WNT7A: variants seen among roughly 807,000 people sequenced by gnomAD.
WNT7A encodes Wnt family member 7A.
A neutral mutation model predicts 28.2 loss-of-function variants in WNT7A; 16 were observed. That is an observed-to-expected ratio of 0.57 (90% CI 0.38 to 0.86). The LOEUF is 0.86. Among genes scored for constraint, WNT7A ranks in the 40% least tolerant of loss-of-function variants. WNT7A has a pLI of 0.00. For missense variants in WNT7A, 411 were observed against 489.7 expected (o/e 0.84, Z 1.52); for synonymous variants, 190 against 195.9 (o/e 0.97, Z 0.25).
chr3:13,854,828 C>A (rs775192955), intron 2 of WNT7A, 25 bp from the exon 3 acceptor site: 1 of 1,610,272 alleles, frequency 6.2e-7, no homozygotes, highest in Non-Finnish European at 8.5e-7. Context: ...GAAGAGGAGA[C>A]AAGTTGGGGT....
chr3:13,866,902 T>C (rs540252229), intron 2 of WNT7A, among the ~76,000 whole-genome samples: 1 of 152,294 alleles, frequency 6.6e-6, no homozygotes, highest in East Asian at 1.9e-4. Context: ...AGGCAACAAG[T>C]ATCTGAAGAT....
At chr3:13,877,103 A>C (rs946191195) in intron 1 of WNT7A, 2 of 149,516 alleles carry the variant, frequency 1.3e-5, no homozygotes, top group Non-Finnish European at 2.9e-5. Context: ...TACCTATTAC[A>C]TGGCAGGTGC....
At chr3:13,869,439 A>AAAAG (rs146414175) in intron 2 of WNT7A, among the ~76,000 whole-genome samples, 86,908 of 140,334 alleles carry the variant, frequency 0.62, 27,674 homozygotes, top group East Asian at 0.94. Context: ...AAGAAGAAAG[A>AAAAG]AAAGAAAAAG....
intron 3 of WNT7A, among the ~76,000 whole-genome samples, chr3:13,822,088 C>T (rs1358798816): frequency 2.0e-5 from 3 of 152,174 alleles, no homozygotes; most frequent in South Asian, 2.1e-4. Context: ...TAACAAGTGT[C>T]GGCGAGGGTG....
chr3:13,878,210 C>A (rs1259973892), intron 1 of WNT7A, among the ~76,000 whole-genome samples: 1 of 152,162 alleles, frequency 6.6e-6, no homozygotes, highest in African/African-American at 2.4e-5. Context: ...CGCGGGCGGG[C>A]GGGGCGGCCA....
Position 13,880,012 on chromosome 3 carries a change from G to A in WNT7A, c.-196C>T. On this transcript the variant is annotated 5_prime_UTR_variant, in exon 1 of 4. Transcript: ENST00000285018. ...GGAGCCACGGAGCGGGAGGAGGGAG[G>A]GAGGAGCGAGCGCGGCGTGGGGCGA... The A allele has an allele frequency of 2.6e-6, 1 of 383,678 alleles. No individual in the cohort carries two copies. Among genetic ancestry groups the A allele is most frequent in the Non-Finnish European group, 4.6e-6 (1 of 219,744 alleles). The allele number at this position is 383,678 out of a possible 1,614,324, so 23.8% of individuals were successfully genotyped here.
intron 2 of WNT7A, among the ~76,000 whole-genome samples, chr3:13,855,867 G>A (rs900830203): frequency 2.6e-4 from 40 of 152,184 alleles, no homozygotes; most frequent in Non-Finnish European, 3.7e-4. Flanking sequence ...GGGGGCCAGA[G>A]AAGGTGTTTC....
chr3:13,861,292 C>G (rs933564418), intron 2 of WNT7A, among the ~76,000 whole-genome samples: 1 of 152,224 alleles, frequency 6.6e-6, no homozygotes, highest in Admixed American at 6.5e-5. Flanking sequence ...CTGCCCCTCC[C>G]TCCTGCCCAG....
intron 2 of WNT7A, among the ~76,000 whole-genome samples, chr3:13,874,050 C>T (rs1695065008): frequency 6.6e-6 from 1 of 152,166 alleles, no homozygotes; most frequent in Non-Finnish European, 1.5e-5. Flanking sequence ...CCAGGAGCAA[C>T]AGGGCAATGA....
chr3:13,852,539 T>C (rs1463148646), intron 3 of WNT7A, among the ~76,000 whole-genome samples: 1 of 152,130 alleles, frequency 6.6e-6, no homozygotes. Context: ...ATAGTCCCAA[T>C]CGACAGATGT....
chr3:13,867,410 G>GA (rs1459210833), intron 2 of WNT7A, among the ~76,000 whole-genome samples: 1 of 152,108 alleles, frequency 6.6e-6, no homozygotes, highest in African/African-American at 2.4e-5. Context: ...AGCAAGGGGG[G>GA]ACTCACAACT....
chr3:13,846,412 G>T (rs999286307), intron 3 of WNT7A, among the ~76,000 whole-genome samples: 1 of 152,134 alleles, frequency 6.6e-6, no homozygotes, highest in Non-Finnish European at 1.5e-5. Flanking sequence ...GGCTGCTTGG[G>T]TTTATATCCC....
At chr3:13,863,448 G>A (rs1484612042) in intron 2 of WNT7A, among the ~76,000 whole-genome samples, 1 of 152,186 alleles carries the variant, frequency 6.6e-6, no homozygotes. Flanking sequence ...GTATATGTGT[G>A]TGTGTGTCTG....
intron 1 of WNT7A, chr3:13,877,118 C>G (rs1172637480): frequency 2.0e-5 from 3 of 151,572 alleles, no homozygotes; most frequent in Non-Finnish European, 4.4e-5. Context: ...AGGTGCCCCC[C>G]AAATATGCAT....
chr3:13,862,290 G>A (rs957051206), intron 2 of WNT7A, among the ~76,000 whole-genome samples: 7 of 152,328 alleles, frequency 4.6e-5, no homozygotes, highest in Admixed American at 2.0e-4. Flanking sequence ...ATCCCAGCGG[G>A]TACAGAGGAA....
chr3:13,824,355 T>C (rs1694161610), intron 3 of WNT7A, among the ~76,000 whole-genome samples: 2 of 152,214 alleles, frequency 1.3e-5, no homozygotes, highest in Admixed American at 1.3e-4. Context: ...ACATAGTATG[T>C]GGCATTTTGC....
At chr3:13,820,405 G>GAA (rs36001991) in intron 3 of WNT7A, among the ~76,000 whole-genome samples, 3 of 143,346 alleles carry the variant, frequency 2.1e-5, no homozygotes, top group African/African-American at 5.1e-5. Context: ...CCTTTTTACA[G>GAA]AAAAAAAAAA....
intron 3 of WNT7A, among the ~76,000 whole-genome samples, chr3:13,825,582 T>C (rs983298281): frequency 2.0e-5 from 3 of 152,218 alleles, no homozygotes; most frequent in African/African-American, 7.2e-5. Context: ...ATCCTGAATA[T>C]TTAGTAGCGG....
intron 2 of WNT7A, among the ~76,000 whole-genome samples, chr3:13,863,143 G>T (rs1023881146): frequency 6.6e-6 from 1 of 152,274 alleles, no homozygotes; most frequent in Non-Finnish European, 1.5e-5. Flanking sequence ...CTTGGTAAGG[G>T]ATCGATAAAC....
Sources: allele counts gnomAD v4.1 joint callset (sites outside exome capture counted in the v4.1 genomes callset), GRCh38; gene constraint gnomAD v4.1.1; transcripts MANE v1.5; gene names NCBI Gene and HGNC (gene_info 2026-07-23, HGNC 2026-07-21).